Variants in ERCC6L2 observed in about 807,000 individuals in gnomAD.
ERCC6L2 encodes DNA excision repair protein ERCC-6-like 2.
ERCC6L2 carries 77 observed loss-of-function variants against 132.0 expected under a neutral mutation model. The observed-to-expected ratio is 0.58, with a 90% CI of 0.49 to 0.71. The LOEUF is 0.71. ERCC6L2 is among the 30% of genes least tolerant of loss of function. The probability of loss-of-function intolerance (pLI) is 0.00; values close to 1 mark genes in which losing one functional copy is unlikely to be tolerated. For missense variants in ERCC6L2, 1,542 were observed against 1,837.6 expected (o/e 0.84, Z 2.94); for synonymous variants, 583 against 632.4 (o/e 0.92, Z 1.17).
intron 12 of ERCC6L2, among the ~76,000 whole-genome samples, chr9:95,954,517 C>T (rs1333278038): frequency 6.6e-6 from 1 of 152,180 alleles, no homozygotes; most frequent in African/African-American, 2.4e-5. Flanking sequence ...CAACACTTGT[C>T]TCCACTTGGT....
At chr9:95,897,336 T>C (rs560164090) in intron 2 of ERCC6L2, among the ~76,000 whole-genome samples, 1 of 152,326 alleles carries the variant, frequency 6.6e-6, no homozygotes, top group East Asian at 1.9e-4. Context: ...CTCACTTGAT[T>C]TTTGGAGATG....
chr9:95,969,642 TTC>T (rs1413190662), intron 14 of ERCC6L2, among the ~76,000 whole-genome samples: 1 of 152,160 alleles, frequency 6.6e-6, no homozygotes, highest in East Asian at 1.9e-4. Flanking sequence ...GTCATTTAGC[TTC>T]TGTTACAGAG....
chr9:95,952,051 C>T (rs1342319348), intron 12 of ERCC6L2, among the ~76,000 whole-genome samples: 1 of 150,250 alleles, frequency 6.7e-6, no homozygotes, highest in African/African-American at 2.5e-5. Flanking sequence ...GCCTGTAATC[C>T]CAGCTACTCG....
intron 13 of ERCC6L2, among the ~76,000 whole-genome samples, chr9:95,960,359 T>TA (rs1831843313): frequency 6.6e-6 from 1 of 152,092 alleles, no homozygotes. Context: ...CCCCGAAAAA[T>TA]ATCAATTTCT....
chr9:96,018,171 T>G lies in ERCC6L2; in HGVS notation c.*4968T>G, dbSNP rs1049852168. On this transcript the variant is annotated 3_prime_UTR_variant, in exon 19 of 19. Coordinates refer to ENST00000653738, the MANE Select transcript of ERCC6L2 (RefSeq NM_020207.7). ...CCTGAAGATGGATGGTCGTGATGGT[T>G]GCACAGCAATGTGAATTTAATGACA... Among the ~76,000 whole-genome samples, 3 of 152,184 alleles carry G rather than the reference T, an allele frequency of 2.0e-5. No individual in the cohort carries two copies. The highest frequency in any genetic ancestry group is 4.4e-5 in the Non-Finnish European group (3 of 68,024).
intron 19 of ERCC6L2, among the ~76,000 whole-genome samples, chr9:96,031,641 T>G (rs1418870864): frequency 6.6e-6 from 1 of 152,258 alleles, no homozygotes; most frequent in Admixed American, 6.5e-5. Flanking sequence ...GGTGGCAGCA[T>G]GCCAGCGCCC....
intron 19 of ERCC6L2, among the ~76,000 whole-genome samples, chr9:96,036,521 G>A (rs2133272252): frequency 6.6e-6 from 1 of 152,116 alleles, no homozygotes; most frequent in Non-Finnish European, 1.5e-5. Flanking sequence ...GCCATGCCTT[G>A]GCCACATACC....
intron 11 of ERCC6L2, among the ~76,000 whole-genome samples, chr9:95,934,644 C>T (rs1383983696): frequency 6.6e-6 from 1 of 152,088 alleles, no homozygotes; most frequent in South Asian, 2.1e-4. Flanking sequence ...CAGAATCATA[C>T]ACTAGTTGAC....
intron 17 of ERCC6L2, among the ~76,000 whole-genome samples, chr9:95,999,143 G>A (rs922482578): frequency 2.6e-5 from 4 of 152,116 alleles, no homozygotes; most frequent in Admixed American, 1.3e-4. Context: ...GGCAGATCAC[G>A]AAGTCAGGAG....
intron 3 of ERCC6L2, 94 bp downstream of exon 3, chr9:95,898,065 T>C: frequency 8.9e-7 from 1 of 1,126,954 alleles, no homozygotes; most frequent in Non-Finnish European, 1.2e-6. Context: ...AATGTATTGG[T>C]ATACATTTTA....
intron 13 of ERCC6L2, among the ~76,000 whole-genome samples, chr9:95,959,383 G>A (rs1481509064): frequency 6.6e-6 from 1 of 151,832 alleles, no homozygotes; most frequent in African/African-American, 2.4e-5. Context: ...ATTAATTCAA[G>A]ATGGATTAAA....
chr9:95,959,138 G>A (rs938635045), intron 13 of ERCC6L2, among the ~76,000 whole-genome samples: 3 of 151,642 alleles, frequency 2.0e-5, no homozygotes, highest in Admixed American at 6.6e-5. Context: ...TATACTACAA[G>A]GCTACAGTAA....
chr9:95,975,771 A>T (rs1832642610), intron 16 of ERCC6L2, among the ~76,000 whole-genome samples: 1 of 150,740 alleles, frequency 6.6e-6, no homozygotes, highest in African/African-American at 2.4e-5. Flanking sequence ...TTATCTGTTC[A>T]TTTTGTTTTG....
chr9:95,975,276 A>G (rs1564279523), intron 16 of ERCC6L2, among the ~76,000 whole-genome samples: 2 of 152,096 alleles, frequency 1.3e-5, no homozygotes, highest in Admixed American at 6.6e-5. Flanking sequence ...GGTTGTCTGA[A>G]TCTTACTGTC....
chr9:95,908,467 G>A (rs892172709), intron 4 of ERCC6L2, among the ~76,000 whole-genome samples: 2 of 152,184 alleles, frequency 1.3e-5, no homozygotes, highest in Non-Finnish European at 1.5e-5. Context: ...CTTGAAATTC[G>A]AGCTTCCAGG....
At chr9:95,951,258 A>T (rs1406971581) in intron 12 of ERCC6L2, among the ~76,000 whole-genome samples, 1 of 152,212 alleles carries the variant, frequency 6.6e-6, no homozygotes, top group African/African-American at 2.4e-5. Flanking sequence ...GTTAGAAAAT[A>T]GCTTGAAACA....
At chr9:96,005,632 A>G (rs1240853502) in intron 18 of ERCC6L2, among the ~76,000 whole-genome samples, 1 of 151,818 alleles carries the variant, frequency 6.6e-6, no homozygotes, top group Non-Finnish European at 1.5e-5. Flanking sequence ...TTAGTGCAGA[A>G]TAAACCAAGC....
chr9:95,880,885 A>T lies in ERCC6L2; in HGVS notation c.63A>T (p.Gly21=). ...ETSGKDIWHP[G]ERCLAPSPDN... is the part of the protein sequence containing the mutation. ...TTCTTGCAGACATATGGCATCCAGG[A>T]GAAAGATGTCTTGCCCCTTCTCCAG... The change falls in exon 2 of 19, where the codon GGA becomes GGT. Residue 21 remains glycine (G), a synonymous_variant. Coordinates refer to ENST00000653738, the MANE Select transcript of ERCC6L2 (RefSeq NM_020207.7). The T allele has an allele frequency of 6.2e-7, 1 of 1,608,062 alleles. No homozygotes were observed. Among genetic ancestry groups the T allele is most frequent in the Non-Finnish European group, 8.5e-7 (1 of 1,177,144 alleles).
At chr9:95,904,636 A>C (rs866723432) in intron 3 of ERCC6L2, among the ~76,000 whole-genome samples, 10 of 152,136 alleles carry the variant, frequency 6.6e-5, no homozygotes, top group African/African-American at 1.9e-4. Flanking sequence ...TCTGTAAACT[A>C]CTTCTAAAGG....
Sources: gnomAD v4.1 joint callset for allele counts (sites outside exome capture counted in the v4.1 genomes callset) on GRCh38, gnomAD v4.1.1 for gene constraint, MANE v1.5 for transcripts, NCBI Gene and HGNC (gene_info 2026-07-23, HGNC 2026-07-21) for gene names.